VEGFC: variants seen among roughly 807,000 people sequenced by gnomAD.
VEGFC encodes FLT4 ligand DHM.
In VEGFC, 12 loss-of-function variants were observed where a neutral mutation model predicts 46.1. The ratio of observed to expected loss-of-function variants is 0.26; its 90% CI spans 0.17 to 0.42. VEGFC has a LOEUF of 0.42. Ranked by LOEUF, VEGFC falls within the 10% of genes least tolerant of loss-of-function variation. The pLI, the probability that VEGFC is intolerant of heterozygous loss-of-function variation, is 1.00. For synonymous variants in VEGFC, 232 were observed against 195.5 expected (o/e 1.19, Z -1.56); for missense variants, 488 against 529.4 (o/e 0.92, Z 0.77).
chr4:176,727,165 G>C (rs1232821588), intron 3 of VEGFC, among the ~76,000 whole-genome samples: 1 of 152,154 alleles, frequency 6.6e-6, no homozygotes, highest in East Asian at 1.9e-4. Flanking sequence ...GAAAATCCCT[G>C]ATCCAAAGCC....
intron 1 of VEGFC, among the ~76,000 whole-genome samples, chr4:176,740,386 A>AC (rs1735147163): frequency 8.1e-6 from 1 of 123,400 alleles, no homozygotes; most frequent in African/African-American, 3.2e-5. Context: ...AGTTATATAT[A>AC]ACTATATATT....
At chr4:176,768,746 C>G (rs1735675498) in intron 1 of VEGFC, among the ~76,000 whole-genome samples, 1 of 151,778 alleles carries the variant, frequency 6.6e-6, no homozygotes, top group Non-Finnish European at 1.5e-5. Context: ...TATCAAGCAA[C>G]TAGGGATTAA....
At chr4:176,783,033 C>T (rs894769414) in intron 1 of VEGFC, among the ~76,000 whole-genome samples, 1 of 152,206 alleles carries the variant, frequency 6.6e-6, no homozygotes, top group Non-Finnish European at 1.5e-5. Flanking sequence ...CTGTAGTCTT[C>T]AGCACAGGGT....
At chr4:176,781,513 T>C (rs975748830) in intron 1 of VEGFC, among the ~76,000 whole-genome samples, 1 of 152,222 alleles carries the variant, frequency 6.6e-6, no homozygotes, top group African/African-American at 2.4e-5. Flanking sequence ...TCGCATCTGG[T>C]ATCTGATATC....
intron 1 of VEGFC, among the ~76,000 whole-genome samples, chr4:176,768,513 T>TATATA (rs58971102): frequency 7.0e-6 from 1 of 143,790 alleles, no homozygotes; most frequent in Non-Finnish European, 1.5e-5. Flanking sequence ...TATATATATA[T>TATATA]TTCAAATTTT....
intron 1 of VEGFC, among the ~76,000 whole-genome samples, chr4:176,759,543 T>A (rs1319185874): frequency 1.3e-5 from 2 of 152,064 alleles, no homozygotes; most frequent in African/African-American, 4.8e-5. Flanking sequence ...TTTCTGAAGA[T>A]GTAATATACT....
intron 3 of VEGFC, among the ~76,000 whole-genome samples, chr4:176,726,372 GATACTAA>G (rs1188785752): frequency 6.6e-6 from 1 of 151,516 alleles, no homozygotes; most frequent in Non-Finnish European, 1.5e-5. Flanking sequence ...AACTAACTAT[GATACTAA>G]AAGAAATGAT....
chr4:176,708,748 T>G (rs960503243), intron 4 of VEGFC, among the ~76,000 whole-genome samples: 2 of 152,188 alleles, frequency 1.3e-5, no homozygotes, highest in African/African-American at 4.8e-5. Flanking sequence ...TTTTTCTTAC[T>G]GTAGATAGTG....
At chr4:176,777,162 A>C (rs1735827645) in intron 1 of VEGFC, among the ~76,000 whole-genome samples, 1 of 151,982 alleles carries the variant, frequency 6.6e-6, no homozygotes, top group Non-Finnish European at 1.5e-5. Context: ...AAAAAAATAC[A>C]AAAAATTAGC....
intron 1 of VEGFC, among the ~76,000 whole-genome samples, chr4:176,732,976 C>T (rs1206790899): frequency 1.3e-5 from 2 of 151,782 alleles, no homozygotes. Context: ...TTTGATCAAA[C>T]TCACCAAAGA....
chr4:176,711,632 G>A lies in VEGFC; in HGVS notation c.571C>T (p.Pro191Ser). 12 of 1,412,082 alleles carry A rather than the reference G, an allele frequency of 8.5e-6. No individual in the cohort carries two copies. The highest frequency in any genetic ancestry group is 3.5e-5 in the South Asian group (3 of 84,982). The allele number at this position is 1,412,082 out of a possible 1,614,324, so 87.5% of individuals were successfully genotyped here. A position where few individuals can be genotyped will look rare whatever the true frequency, so the allele number is the denominator to read the frequency against. ...ACTGGTTTGGGGCCTTGAGAGAGAG[G>A]CACTGTAATTTCAAATAACTACAAA... ...LSKTLFEITV[P>S]LSQGPKPVTI... The change falls in exon 4 of 7, where the codon CCT becomes TCT. Residue 191 changes from proline (P) to serine (S), a missense_variant. Physicochemically the swap from Pro to Ser is moderately conservative, Grantham distance 74. Coordinates refer to ENST00000618562, the MANE Select transcript of VEGFC (RefSeq NM_005429.5).
At chr4:176,741,367 T>C (rs1481876754) in intron 1 of VEGFC, among the ~76,000 whole-genome samples, 1 of 151,914 alleles carries the variant, frequency 6.6e-6, no homozygotes, top group Admixed American at 6.6e-5. Flanking sequence ...TTGATGAAAA[T>C]TATATTGGAA....
rs1029999493 is a variant in VEGFC at position 176,781,730 on chromosome 4, T to C, written c.147+10435A>G. Among the ~76,000 whole-genome samples, 4 of 152,350 alleles carry C rather than the reference T, an allele frequency of 2.6e-5. 1 individual carries two copies. In the South Asian group the frequency reaches 6.2e-4, roughly 24 times the overall value. On this transcript the variant is annotated intron_variant, in intron 1 of 6. Transcript: ENST00000618562. Reference sequence around the variant, plus strand: ...GAGGGACCTGGAGGGGCTCATTTAATTGTAAACAAAGACAAGGGAAGGTGA... The same window carrying C: ...GAGGGACCTGGAGGGGCTCATTTAACTGTAAACAAAGACAAGGGAAGGTGA...
chr4:176,688,305 T>C (rs1255854403), intron 4 of VEGFC, among the ~76,000 whole-genome samples: 3 of 152,256 alleles, frequency 2.0e-5, no homozygotes, highest in African/African-American at 7.2e-5. Context: ...AGTAGAGTTC[T>C]GCTCCATTAT....
intron 3 of VEGFC, among the ~76,000 whole-genome samples, chr4:176,713,361 T>A (rs1564923): frequency 0.91 from 137,952 of 152,114 alleles, 63,221 homozygotes; most frequent in Non-Finnish European, 0.98. Context: ...TTCTGCAGTG[T>A]CTTCATAAGC....
intron 1 of VEGFC, among the ~76,000 whole-genome samples, chr4:176,767,507 T>C (rs566277703): frequency 3.9e-5 from 6 of 152,202 alleles, no homozygotes; most frequent in South Asian, 4.1e-4. Flanking sequence ...CCAGGGCTGA[T>C]AGCACTATTC....
Position 176,778,013 on chromosome 4 carries a change from TCAGCTTATTTTA to T in VEGFC, c.147+14140_147+14151del, listed in dbSNP as rs1230721350. ...AAAATGTGCCTAAATATATGGTTCTTCAGCTTATTTTACAGCTTATTTTACTTGAAGGTATAA... is the reference window on the plus strand; with the variant it reads ...AAAATGTGCCTAAATATATGGTTCTTCAGCTTATTTTACTTGAAGGTATAA... On this transcript the variant is annotated intron_variant, in intron 1 of 6. Coordinates refer to ENST00000618562, the MANE Select transcript of VEGFC (RefSeq NM_005429.5). Among the ~76,000 whole-genome samples the T allele has an allele frequency of 1.0e-4, 15 of 150,364 alleles. No individual in the cohort carries two copies. The East Asian group carries it at 2.6e-3, about 27-fold the overall frequency.
intron 1 of VEGFC, among the ~76,000 whole-genome samples, chr4:176,740,445 T>TAG (rs10644008): frequency 0.95 from 113,268 of 119,134 alleles, 54,246 homozygotes; most frequent in South Asian, 1. Flanking sequence ...ATATTCTATA[T>TAG]AGAGTATATA....
At chr4:176,720,567 A>C (rs749644649) in intron 3 of VEGFC, among the ~76,000 whole-genome samples, 8 of 152,064 alleles carry the variant, frequency 5.3e-5, no homozygotes, top group Non-Finnish European at 1.0e-4. Flanking sequence ...GACTGGGTGC[A>C]GTGGCTCACA....
Sources: gnomAD v4.1 joint callset for allele counts (sites outside exome capture counted in the v4.1 genomes callset) on GRCh38, gnomAD v4.1.1 for gene constraint, MANE v1.5 for transcripts, NCBI Gene and HGNC (gene_info 2026-07-23, HGNC 2026-07-21) for gene names.